The following ACSM1 variants were observed in gnomAD, a reference collection of about 807,000 sequenced individuals.
The protein encoded by ACSM1 is acyl-CoA synthetase medium chain family member 1.
In ACSM1, 79 loss-of-function variants were observed where a neutral mutation model predicts 75.8. The observed-to-expected ratio is 1.04, with a 90% CI of 0.87 to 1.26. ACSM1 has a LOEUF of 1.26. ACSM1 is among the 50% of genes most tolerant of loss of function. ACSM1 has a pLI of 0.00. For missense variants in ACSM1, 676 were observed against 720.1 expected (o/e 0.94, Z 0.70); for synonymous variants, 279 against 265.8 (o/e 1.05, Z -0.48).
chr16:20,660,821 G>T (rs1187270787), intron 7 of ACSM1, among the ~76,000 whole-genome samples: 1 of 152,050 alleles, frequency 6.6e-6, no homozygotes, highest in African/African-American at 2.4e-5. Flanking sequence ...AGTGTGTTTT[G>T]GTTTAGCTTA....
Position 20,658,458 on chromosome 16 carries a change from C to CT in ACSM1, c.992+3335dup, listed in dbSNP as rs71149168. On this transcript the variant is annotated intron_variant, in intron 7 of 13. Transcript: ENST00000520010. ...TCACCCACTTTTTGATGGGGTTGTT[C>CT]TTTTTTTTTTGACTTAAAATCATTT... Among the ~76,000 whole-genome samples the CT allele has an allele frequency of 5.9e-3, 873 of 147,872 alleles. 3 individuals are homozygous for CT. The highest frequency in any genetic ancestry group is 0.014 in the Middle Eastern group (4 of 284).
intron 7 of ACSM1, among the ~76,000 whole-genome samples, chr16:20,654,987 TG>T (rs1418541139): frequency 6.6e-6 from 1 of 152,020 alleles, no homozygotes; most frequent in Non-Finnish European, 1.5e-5. Context: ...AGCAAAGACT[TG>T]GAACCAACCC....
intron 10 of ACSM1, among the ~76,000 whole-genome samples, chr16:20,632,767 T>C (rs1214618419): frequency 1.3e-5 from 2 of 152,180 alleles, no homozygotes; most frequent in Non-Finnish European, 2.9e-5. Flanking sequence ...CTCTTATGAA[T>C]ATTGATGCAA....
intron 6 of ACSM1, among the ~76,000 whole-genome samples, chr16:20,665,945 T>C (rs992152452): frequency 6.6e-6 from 1 of 152,130 alleles, no homozygotes; most frequent in Non-Finnish European, 1.5e-5. Context: ...CTCTTCATGA[T>C]AAAGCCCCTC....
intron 4 of ACSM1, among the ~76,000 whole-genome samples, chr16:20,675,689 C>T (rs2020236795): frequency 6.6e-6 from 1 of 152,154 alleles, no homozygotes; most frequent in African/African-American, 2.4e-5. Context: ...GATGGCTGAC[C>T]AATGGCACTA....
intron 7 of ACSM1, among the ~76,000 whole-genome samples, chr16:20,643,463 T>C (rs13330264): frequency 6.6e-6 from 1 of 152,194 alleles, no homozygotes; most frequent in Non-Finnish European, 1.5e-5. Flanking sequence ...GTGTTACAGC[T>C]CTTAAAAGTG....
At chr16:20,676,473 G>A (rs557345625) in intron 4 of ACSM1, among the ~76,000 whole-genome samples, 1 of 152,308 alleles carries the variant, frequency 6.6e-6, no homozygotes, top group South Asian at 2.1e-4. Flanking sequence ...TCAGTGCATG[G>A]TGGACACAGC....
intron 13 of ACSM1, 91 bp from the exon 14 acceptor site, chr16:20,623,663 T>A: frequency 7.7e-7 from 1 of 1,292,140 alleles, no homozygotes; most frequent in South Asian, 1.2e-5. Flanking sequence ...CTCCACAGTC[T>A]CCCATGCAGG....
At chr16:20,661,061 ACT>A (rs2019274050) in intron 7 of ACSM1, among the ~76,000 whole-genome samples, 1 of 151,578 alleles carries the variant, frequency 6.6e-6, no homozygotes, top group Non-Finnish European at 1.5e-5. Context: ...TCCTTGAAAA[ACT>A]CTACAGAAAT....
chr16:20,667,259 A>T (rs972326736), intron 6 of ACSM1, among the ~76,000 whole-genome samples: 3 of 152,206 alleles, frequency 2.0e-5, no homozygotes, highest in African/African-American at 7.2e-5. Flanking sequence ...AGACTCTTAT[A>T]TGTGATGTCT....
intron 1 of ACSM1, among the ~76,000 whole-genome samples, chr16:20,692,368 A>T (rs1268594158): frequency 1.3e-5 from 2 of 152,204 alleles, no homozygotes; most frequent in Non-Finnish European, 2.9e-5. Flanking sequence ...GAAAACCTAA[A>T]GTGGGGGCTT....
intron 8 of ACSM1, among the ~76,000 whole-genome samples, 156 bp downstream of exon 8, chr16:20,640,303 AAT>A (rs1378557341): frequency 1.3e-5 from 2 of 152,186 alleles, no homozygotes; most frequent in African/African-American, 2.4e-5. Flanking sequence ...CTTTTTCCCC[AAT>A]ATCTGCCTTT....
intron 4 of ACSM1, among the ~76,000 whole-genome samples, chr16:20,672,471 A>AAAAAAAAAAAAT (rs1555473775): frequency 7.7e-5 from 5 of 64,574 alleles, no homozygotes; most frequent in South Asian, 5.7e-4. Flanking sequence ...AAAAAAAAAA[A>AAAAAAAAAAAAT]ATATATATAT....
intron 7 of ACSM1, among the ~76,000 whole-genome samples, chr16:20,651,954 A>G (rs1349977401): frequency 1.3e-5 from 2 of 152,182 alleles, no homozygotes; most frequent in African/African-American, 2.4e-5. Context: ...AGTGTTATAA[A>G]CTATAAAATC....
At chr16:20,667,219 C>T (rs1354558009) in intron 6 of ACSM1, among the ~76,000 whole-genome samples, 2 of 152,040 alleles carry the variant, frequency 1.3e-5, no homozygotes, top group African/African-American at 4.8e-5. Context: ...ATCAAATATC[C>T]AGATTCTACA....
intron 8 of ACSM1, 22 bp downstream of exon 8, chr16:20,640,439 C>G: frequency 2.5e-6 from 4 of 1,614,024 alleles, no homozygotes; most frequent in Non-Finnish European, 3.4e-6. Context: ...GTCTCAGACA[C>G]TTTCTGGTTT....
chr16:20,655,090 C>T (rs141062986), intron 7 of ACSM1, among the ~76,000 whole-genome samples: 1 of 152,052 alleles, frequency 6.6e-6, no homozygotes, highest in Non-Finnish European at 1.5e-5. Context: ...GAGTTCATGT[C>T]CTTTCTAGGG....
chr16:20,646,735 T>A (rs556817316), intron 7 of ACSM1, among the ~76,000 whole-genome samples: 5 of 152,054 alleles, frequency 3.3e-5, no homozygotes, highest in Non-Finnish European at 7.4e-5. Flanking sequence ...GGAAAAAGGG[T>A]AAATATATAT....
rs201723386 is a variant in ACSM1 at position 20,625,535 on chromosome 16, G to A, written c.1428-13C>T. 5.1e-3 allele frequency: 8,239 copies of A among 1,611,890 alleles called. 27 individuals are homozygous for A. The highest frequency in any genetic ancestry group is 6.2e-3 in the Non-Finnish European group (7,313 of 1,178,668). ...CCCGATGCGATACCTGGAGGATGAA[G>A]GGTTCTGAGGCAGATGCCAGGGCTG... On this transcript the variant is annotated splice_polypyrimidine_tract_variant and intron_variant, in intron 11 of 13. Transcript: ENST00000520010.
Sources: gnomAD v4.1 joint callset for allele counts (sites outside exome capture counted in the v4.1 genomes callset) on GRCh38, gnomAD v4.1.1 for gene constraint, MANE v1.5 for transcripts, NCBI Gene and HGNC (gene_info 2026-07-23, HGNC 2026-07-21) for gene names.